The following FBXW10B variants were observed in gnomAD, a reference collection of about 807,000 sequenced individuals.
The protein encoded by FBXW10B is F-box and WD repeat domain containing protein 10B.
chr17:15,585,764 C>G, the FBXW10B span, among the ~76,000 whole-genome samples: 1 of 152,232 alleles, frequency 6.6e-6, no homozygotes, highest in African/African-American at 2.4e-5. Flanking sequence ...GGAAAGGAAT[C>G]AAGCAAAATG....
chr17:15,580,427 A>T, the FBXW10B span, among the ~76,000 whole-genome samples: 1 of 151,210 alleles, frequency 6.6e-6, no homozygotes, highest in African/African-American at 2.4e-5. Flanking sequence ...AAGAGCACCA[A>T]CGTTTAAAAA....
the FBXW10B span, chr17:15,619,325 T>G: frequency 4.3e-4 from 687 of 1,613,918 alleles, no homozygotes; most frequent in African/African-American, 8.4e-3. Context: ...GCTATTTAAC[T>G]GCTTCAGAAT....
the FBXW10B span, chr17:15,572,244 C>G: frequency 6.6e-6 from 1 of 152,068 alleles, no homozygotes. Flanking sequence ...GGTCCGATTG[C>G]CTGGAATCAA....
At chr17:15,597,026 T>C in the FBXW10B span, among the ~76,000 whole-genome samples, 1 of 149,778 alleles carries the variant, frequency 6.7e-6, no homozygotes, top group African/African-American at 2.5e-5. Context: ...AATCATGGCA[T>C]ACAGCTTGAG....
At chr17:15,618,584 C>T in the FBXW10B span, among the ~76,000 whole-genome samples, 1 of 150,022 alleles carries the variant, frequency 6.7e-6, no homozygotes, top group African/African-American at 2.5e-5. Flanking sequence ...TAAGTTTTGA[C>T]TTCTTGGTCT....
the FBXW10B span, among the ~76,000 whole-genome samples, chr17:15,607,042 C>T: frequency 6.6e-6 from 1 of 151,612 alleles, no homozygotes; most frequent in Non-Finnish European, 1.5e-5. Context: ...GTCATATTTA[C>T]CATGGGAAGA....
chr17:15,567,819 A>G, the FBXW10B span, among the ~76,000 whole-genome samples: 1 of 152,374 alleles, frequency 6.6e-6, no homozygotes. Context: ...AGAGAATTAT[A>G]GAGTTGTTTA....
At chr17:15,619,608 G>T in the FBXW10B span, 1 of 1,513,824 alleles carries the variant, frequency 6.6e-7, no homozygotes, top group Non-Finnish European at 8.8e-7. Flanking sequence ...AAATACCCCA[G>T]TTGTGCCTTT....
At chr17:15,606,653 A>G in the FBXW10B span, among the ~76,000 whole-genome samples, 33,286 of 149,178 alleles carry the variant, frequency 0.22, 4,024 homozygotes, top group East Asian at 0.42. Context: ...GTATATATAT[A>G]TGTGTGTGTA....
At chr17:15,582,224 C>T in the FBXW10B span, among the ~76,000 whole-genome samples, 36 of 146,986 alleles carry the variant, frequency 2.4e-4, no homozygotes, top group Admixed American at 1.8e-3. Flanking sequence ...GACTAATTGA[C>T]CTAAAATAAC....
the FBXW10B span, chr17:15,589,169 T>C: frequency 1.2e-6 from 2 of 1,613,132 alleles, no homozygotes. Flanking sequence ...CTTGGTTCGA[T>C]TCCATTCCAT....
At chr17:15,586,523 C>T in the FBXW10B span, among the ~76,000 whole-genome samples, 2 of 151,798 alleles carry the variant, frequency 1.3e-5, no homozygotes, top group Admixed American at 1.3e-4. Context: ...TATTTTGGTA[C>T]AAAAAATTTT....
chr17:15,605,734 T>C, the FBXW10B span, among the ~76,000 whole-genome samples: 3 of 147,606 alleles, frequency 2.0e-5, no homozygotes, highest in African/African-American at 8.1e-5. Context: ...CCGGATTTAA[T>C]TGATCACGGA....
At chr17:15,615,955 G>T in the FBXW10B span, 3 of 1,313,410 alleles carry the variant, frequency 2.3e-6, no homozygotes, top group Non-Finnish European at 3.1e-6. Flanking sequence ...TTTATTTGGG[G>T]CCTCCAAACT....
the FBXW10B span, chr17:15,612,497 T>G: frequency 1.2e-4 from 36 of 290,544 alleles, no homozygotes; most frequent in African/African-American, 6.6e-4. Flanking sequence ...CTGGGTGACA[T>G]AGTGAGACTC....
chr17:15,617,602 C>T, the FBXW10B span, among the ~76,000 whole-genome samples: 1 of 152,142 alleles, frequency 6.6e-6, no homozygotes, highest in African/African-American at 2.4e-5. Context: ...GTGCCCTTCC[C>T]ACAGTAATGA....
chr17:15,580,205 G>A, the FBXW10B span, among the ~76,000 whole-genome samples: 2 of 152,032 alleles, frequency 1.3e-5, no homozygotes, highest in African/African-American at 4.8e-5. Flanking sequence ...GTCTTTTTCT[G>A]ACCACCCCCA....
At chr17:15,616,047 CAGAG>C in the FBXW10B span, among the ~76,000 whole-genome samples, 1 of 151,910 alleles carries the variant, frequency 6.6e-6, no homozygotes, top group Non-Finnish European at 1.5e-5. Flanking sequence ...TTTATACAAG[CAGAG>C]AGAGAGAGTC....
chr17:15,585,480 CATT>C, the FBXW10B span, among the ~76,000 whole-genome samples: 35 of 152,192 alleles, frequency 2.3e-4, no homozygotes, highest in African/African-American at 8.2e-4. Context: ...TTCTTTTTTA[CATT>C]ATTAACTGAA....
Sources: allele counts gnomAD v4.1 joint callset (sites outside exome capture counted in the v4.1 genomes callset), GRCh38; gene constraint gnomAD v4.1.1; transcripts MANE v1.5; gene names NCBI Gene and HGNC (gene_info 2026-07-23, HGNC 2026-07-21).